GRK7: variants seen among roughly 807,000 people sequenced by gnomAD.
GRK7 encodes the protein G protein-coupled receptor kinase 7, also known as rhodopsin kinase GRK7.
In GRK7, 24 loss-of-function variants were observed where a neutral mutation model predicts 34.1. The ratio of observed to expected loss-of-function variants is 0.70; its 90% CI spans 0.51 to 0.99. GRK7 has a LOEUF of 0.99. Ranked by LOEUF, GRK7 falls within the 50% of genes least tolerant of loss-of-function variation. GRK7 has a pLI of 0.00. For synonymous variants in GRK7, 256 were observed against 279.4 expected, an observed-to-expected ratio of 0.92 and a Z score of 0.84; for missense variants, 644 against 707.3, an observed-to-expected ratio of 0.91 and a Z score of 1.02.
chr3:141,786,974 G>A (rs2084699555), intron 4 of GRK7, among the ~76,000 whole-genome samples: 1 of 152,052 alleles, frequency 6.6e-6, no homozygotes, highest in Admixed American at 6.6e-5. Flanking sequence ...GTGTGTAGGT[G>A]GACTCTAGGC....
At chr3:141,802,454 CTGATAGCCA>C (rs907932793) in intron 4 of GRK7, among the ~76,000 whole-genome samples, 16 of 151,822 alleles carry the variant, frequency 1.1e-4, no homozygotes, top group African/African-American at 3.6e-4. Context: ...GAGGGGCCAG[CTGATAGCCA>C]TGATAGCCAT....
Position 141,816,987 on chromosome 3 carries a change from CA to C in GRK7, c.1601del (p.Asn534ThrfsTer36). The C allele has an allele frequency of 6.2e-7, 1 of 1,613,836 alleles. No homozygotes were observed. The highest frequency in any genetic ancestry group is 8.5e-7 in the Non-Finnish European group (1 of 1,179,974). On this transcript the variant is annotated frameshift_variant, in exon 6 of 6. Transcript: ENST00000682958. LOFTEE classifies it high-confidence loss of function. ...GACTGTTTGAGGAACTGAATGACCC[CA>C]ACAGACCTACGGGTTGTGAGGAGGG... ...TGLFEELNDP[N>X]RPTGCEEGNS...
intron 4 of GRK7, among the ~76,000 whole-genome samples, chr3:141,805,496 G>A (rs1307542474): frequency 6.6e-6 from 1 of 152,146 alleles, no homozygotes; most frequent in East Asian, 1.9e-4. Context: ...CAAGACGCCA[G>A]GGCAACAGAT....
chr3:141,807,791 T>C lies in GRK7; in HGVS notation c.1197T>C (p.Ser399=), dbSNP rs563657480. ...TCAAAGATTACAAGGAAAAGGTCAGTAAAGAGGATCTGAAGCAAAGAACTC... is the reference window on the plus strand; with the variant it reads ...TCAAAGATTACAAGGAAAAGGTCAGCAAAGAGGATCTGAAGCAAAGAACTC... ...TPFKDYKEKV[S]KEDLKQRTLQ... The change falls in exon 5 of 6, where the codon AGT becomes AGC. Residue 399 remains serine, a synonymous_variant. Coordinates refer to ENST00000682958, the MANE Select transcript of GRK7 (RefSeq NM_139209.3). 3.1e-5 allele frequency: 50 copies of C among 1,614,134 alleles called. 1 individual carries two copies. In the South Asian group the frequency reaches 5.5e-4, roughly 18 times the overall value.
chr3:141,785,184 T>A (rs746493867), intron 4 of GRK7, among the ~76,000 whole-genome samples: 9 of 152,200 alleles, frequency 5.9e-5, no homozygotes, highest in Non-Finnish European at 1.2e-4. Context: ...GTCTGAGCAG[T>A]TCTTCCAGAA....
upstream of GRK7, among the ~76,000 whole-genome samples, chr3:141,763,363 G>A (rs1290758628): frequency 6.6e-6 from 1 of 152,142 alleles, no homozygotes; most frequent in Non-Finnish European, 1.5e-5. Flanking sequence ...GGTCCTTAAG[G>A]TGAATGCAAA....
rs1042026563 is a variant in GRK7, at chr3:141,807,935, A to T, written c.1325+16A>T. On this transcript the variant is annotated intron_variant, in intron 5 of 5. Coordinates refer to ENST00000682958, the MANE Select transcript of GRK7 (RefSeq NM_139209.3). Reference sequence around the variant, plus strand: ...TAGGAAGCAGGTAAACTAGCATGTAACAGAGAGGATTGCTGACACCAGTAT... The same window carrying T: ...TAGGAAGCAGGTAAACTAGCATGTATCAGAGAGGATTGCTGACACCAGTAT... The T allele has an allele frequency of 6.4e-7, 1 of 1,557,300 alleles. No individual in the cohort carries two copies. Among genetic ancestry groups the T allele is most frequent in the Non-Finnish European group, 8.7e-7 (1 of 1,152,142 alleles).
chr3:141,789,663 A>AAAAAAAAAAAAAAAAAAAAAAC (rs796539386), intron 4 of GRK7, among the ~76,000 whole-genome samples: 2 of 146,768 alleles, frequency 1.4e-5, no homozygotes, highest in Non-Finnish European at 1.5e-5. Flanking sequence ...GGGCAAAAAA[A>AAAAAAAAAAAAAAAAAAAAAAC]AAAAAAACAC....
the GRK7 span, among the ~76,000 whole-genome samples, chr3:141,751,547 G>C: frequency 1.8e-3 from 278 of 152,276 alleles, 2 homozygotes; most frequent in African/African-American, 6.4e-3. Context: ...TTCTCATGTG[G>C]ATTATAAAAA....
intron 5 of GRK7, among the ~76,000 whole-genome samples, chr3:141,808,214 A>G (rs1369150197): frequency 6.6e-6 from 1 of 152,224 alleles, no homozygotes; most frequent in Non-Finnish European, 1.5e-5. Context: ...CAAGGAATTT[A>G]TAGGATTGGT....
intron 1 of GRK7, among the ~76,000 whole-genome samples, chr3:141,770,934 G>A (rs899031280): frequency 1.4e-5 from 2 of 146,398 alleles, no homozygotes; most frequent in African/African-American, 5.1e-5. Context: ...AAGGCTGGCT[G>A]CACTAAGCCG....
the GRK7 span, among the ~76,000 whole-genome samples, chr3:141,754,973 A>C: frequency 6.6e-6 from 1 of 152,196 alleles, no homozygotes; most frequent in African/African-American, 2.4e-5. Context: ...GATAGTCCTT[A>C]AATAAAAGTA....
At chr3:141,766,414 C>T (rs1037511372) in intron 1 of GRK7, among the ~76,000 whole-genome samples, 18 of 152,160 alleles carry the variant, frequency 1.2e-4, no homozygotes, top group African/African-American at 3.6e-4. Flanking sequence ...CCACCCGCCT[C>T]GGCCTCCCAA....
At chr3:141,809,659 C>G (rs1236728710) in intron 5 of GRK7, among the ~76,000 whole-genome samples, 1 of 152,056 alleles carries the variant, frequency 6.6e-6, no homozygotes, top group East Asian at 1.9e-4. Flanking sequence ...GATCATGCCA[C>G]TGTACTCCAG....
At chr3:141,789,996 T>C (rs2084716025) in intron 4 of GRK7, among the ~76,000 whole-genome samples, 1 of 152,140 alleles carries the variant, frequency 6.6e-6, no homozygotes. Context: ...ACATATAGCC[T>C]TATGTTTTTT....
chr3:141,769,730 C>A (rs182182616), intron 1 of GRK7, among the ~76,000 whole-genome samples: 1 of 152,270 alleles, frequency 6.6e-6, no homozygotes, highest in Admixed American at 6.5e-5. Context: ...ACCAGGGCAT[C>A]TCTCCCCATC....
At position 141,817,302 on chromosome 3, in the gene GRK7, T is replaced by A; in HGVS notation, c.*252T>A. On this transcript the variant is annotated 3_prime_UTR_variant, in exon 6 of 6. Transcript: ENST00000682958. ...AACACTCAGGTTTATTTTGATAAACTGAAAGCATCAGCCTTTTACCATCAT... is the reference window on the plus strand; with the variant it reads ...AACACTCAGGTTTATTTTGATAAACAGAAAGCATCAGCCTTTTACCATCAT... 5.1e-6 allele frequency: 2 copies of A among 392,892 alleles called. No individual in the cohort carries two copies. The highest frequency in any genetic ancestry group is 9.1e-6 in the Non-Finnish European group (2 of 220,594). 24.3% of individuals were successfully genotyped at this position (392,892 alleles called of 1,614,324 possible). A position where few individuals can be genotyped will look rare whatever the true frequency, so the allele number is the denominator to read the frequency against.
chr3:141,754,821 G>C, the GRK7 span, among the ~76,000 whole-genome samples: 1 of 152,198 alleles, frequency 6.6e-6, no homozygotes, highest in Admixed American at 6.5e-5. Flanking sequence ...TCTTTTCAGA[G>C]CCTCTTAGAA....
chr3:141,807,703 A>G lies in GRK7; in HGVS notation c.1109A>G (p.Tyr370Cys), dbSNP rs1711050048. Residue 370 changes from tyrosine (Y) to cysteine (C), a missense_variant, in exon 5 of 6, where the codon TAT becomes TGT. By Grantham distance (194) the Tyr-to-Cys change is radical. Transcript: ENST00000682958. ...EILMEKVSYS[Y>C]PVDWFAMGCS... Reference sequence around the variant, plus strand: ...CTAATGGAAAAGGTAAGTTATTCCTATCCTGTGGACTGGTTTGCCATGGGA... The same window carrying G: ...CTAATGGAAAAGGTAAGTTATTCCTGTCCTGTGGACTGGTTTGCCATGGGA... The G allele has an allele frequency of 6.2e-7, 1 of 1,614,172 alleles. No individual in the cohort carries two copies. The highest frequency in any genetic ancestry group is 8.5e-7 in the Non-Finnish European group (1 of 1,179,988).
Sources: gnomAD v4.1 joint callset for allele counts (sites outside exome capture counted in the v4.1 genomes callset) on GRCh38, gnomAD v4.1.1 for gene constraint, MANE v1.5 for transcripts, NCBI Gene and HGNC (gene_info 2026-07-23, HGNC 2026-07-21) for gene names.